The following RMST variants were observed in gnomAD, a reference collection of about 807,000 sequenced individuals.
RMST encodes the protein long intergenic non-protein coding RNA 54.
At chr12:97,469,182 ATGTGTG>A (rs1178044914) in intron 5 of RMST, among the ~76,000 whole-genome samples, 2,117 of 112,714 alleles carry the variant, frequency 0.019, 49 homozygotes, top group African/African-American at 0.06. Context: ...GTGTGTGTGT[ATGTGTG>A]TATATATATA....
chr12:97,494,663 TCTTA>T (rs1340345987), intron 8 of RMST: 4 of 152,136 alleles, frequency 2.6e-5, no homozygotes, highest in Admixed American at 2.0e-4. Context: ...AGTCAAAAAT[TCTTA>T]CTTTTTTTTC....
intron 11 of RMST, among the ~76,000 whole-genome samples, chr12:97,534,836 C>CT (rs1371880524): frequency 6.6e-6 from 1 of 151,540 alleles, no homozygotes; most frequent in Non-Finnish European, 1.5e-5. Context: ...TTAGCTGGAG[C>CT]GTTTCTGTTT....
chr12:97,512,586 C>T (rs1159708942), intron 10 of RMST, among the ~76,000 whole-genome samples: 2 of 152,190 alleles, frequency 1.3e-5, no homozygotes, highest in East Asian at 1.9e-4. Context: ...AAACCCTGGG[C>T]TAGGCACAGG....
rs537646751 is a variant in RMST at position 97,504,015 on chromosome 12, T to G, written n.1340+7959T>G. ...ATCTCAACTCAGTGCAACCTCTGCC[T>G]CCTGGGTTCAAGCGATTCTCAGGCA... On this transcript the variant is annotated intron_variant and non_coding_transcript_variant, in intron 10 of 13. Coordinates refer to ENST00000640149, the Ensembl canonical transcript of RMST. 2.6e-5 allele frequency among the ~76,000 whole-genome samples: 4 copies of G among 152,282 alleles called. No homozygotes were observed. The South Asian group carries it at 8.3e-4, about 32-fold the overall frequency.
At chr12:97,464,576 C>A (rs1040922391) in intron 4 of RMST, among the ~76,000 whole-genome samples, 10 of 152,082 alleles carry the variant, frequency 6.6e-5, no homozygotes, top group Admixed American at 2.0e-4. Context: ...TTCATTGTGG[C>A]ACCTTTTGTA....
chr12:97,466,834 GTCT>G (rs1474102775), intron 5 of RMST, among the ~76,000 whole-genome samples: 1 of 152,028 alleles, frequency 6.6e-6, no homozygotes, highest in African/African-American at 2.4e-5. Flanking sequence ...TTTCAGAAAA[GTCT>G]TCATGCATTT....
chr12:97,489,119 T>C (rs1385009967), intron 5 of RMST, among the ~76,000 whole-genome samples: 5 of 152,204 alleles, frequency 3.3e-5, no homozygotes, highest in Admixed American at 1.3e-4. Context: ...CAAGCAATAC[T>C]TTTATGTTAT....
chr12:97,512,213 TTCC>T (rs1239706004), intron 10 of RMST, among the ~76,000 whole-genome samples: 2 of 151,940 alleles, frequency 1.3e-5, no homozygotes, highest in African/African-American at 4.8e-5. Flanking sequence ...GCGTCTGGCG[TTCC>T]TCCCGGTGGG....
chr12:97,487,245 G>A (rs1214849330), intron 5 of RMST, among the ~76,000 whole-genome samples: 2 of 152,124 alleles, frequency 1.3e-5, no homozygotes, highest in Non-Finnish European at 2.9e-5. Flanking sequence ...GGATTTGTGT[G>A]TGGAATCATA....
intron 11 of RMST, among the ~76,000 whole-genome samples, chr12:97,550,485 A>G (rs1883234949): frequency 2.0e-5 from 3 of 152,196 alleles, no homozygotes; most frequent in African/African-American, 7.2e-5. Flanking sequence ...TATTTCAACA[A>G]TCCAACATGA....
rs141185500 is a variant in RMST, at chr12:97,556,387, G to A, written n.1546-4150G>A. On this transcript the variant is annotated intron_variant and non_coding_transcript_variant, in intron 11 of 13. Transcript: ENST00000640149. ...AAGTGTGACGTGTTAAAAGGCAGCTGGGCGGCCTCTTCACCGTGTTCCCTG... is the reference window on the plus strand; with the variant it reads ...AAGTGTGACGTGTTAAAAGGCAGCTAGGCGGCCTCTTCACCGTGTTCCCTG... Among the ~76,000 whole-genome samples the A allele has an allele frequency of 8.5e-3, 1,298 of 152,302 alleles. 21 individuals carry two copies. The highest frequency in any genetic ancestry group is 0.029 in the African/African-American group (1,209 of 41,560).
chr12:97,480,355 G>T (rs1169791705), intron 5 of RMST, among the ~76,000 whole-genome samples: 1 of 152,144 alleles, frequency 6.6e-6, no homozygotes, highest in Non-Finnish European at 1.5e-5. Context: ...CTTCCAAAGT[G>T]CTGGGATTAG....
At chr12:97,558,852 G>A (rs1229347570) in intron 11 of RMST, among the ~76,000 whole-genome samples, 2 of 152,128 alleles carry the variant, frequency 1.3e-5, no homozygotes, top group African/African-American at 4.8e-5. Context: ...ACCTGATGGG[G>A]CCTCATTTGT....
intron 5 of RMST, among the ~76,000 whole-genome samples, chr12:97,469,013 G>A (rs903184051): frequency 1.7e-4 from 26 of 151,506 alleles, no homozygotes; most frequent in Admixed American, 4.0e-4. Context: ...ATCACACATC[G>A]CAATCCAAAT....
At position 97,524,075 on chromosome 12, in the gene RMST, C is replaced by CAGAGAAAAAAAAAAAAAAAAAAAAAAAAA. The variant is rs57255256; in HGVS notation, n.1341-6579_1341-6578insGAGAAAAAAAAAAAAAAAAAAAAAAAAAA. ...TGGGCAACAGAGTGAGACTCTGTCT[C>CAGAGAAAAAAAAAAAAAAAAAAAAAAAAA]AAAAAAAAAAAAAAAAAAAAAAAAA... On this transcript the variant is annotated intron_variant and non_coding_transcript_variant, in intron 10 of 13. Coordinates refer to ENST00000640149, the Ensembl canonical transcript of RMST. Among the ~76,000 whole-genome samples, 234 of 56,128 alleles carry CAGAGAAAAAAAAAAAAAAAAAAAAAAAAA rather than the reference C, an allele frequency of 4.2e-3. 87 individuals carry two copies. The highest frequency in any genetic ancestry group is 0.02 in the Middle Eastern group (2 of 100). The allele number at this position is 56,128 out of a possible 152,430, so 36.8% of individuals were successfully genotyped here.
intron 10 of RMST, among the ~76,000 whole-genome samples, chr12:97,526,897 T>C (rs961579232): frequency 6.6e-6 from 1 of 152,152 alleles, no homozygotes; most frequent in African/African-American, 2.4e-5. Context: ...AGATGACATG[T>C]GTTAGTCACA....
exon 14 of RMST, chr12:97,564,492 T>A (rs184078896): frequency 1.3e-5 from 2 of 152,964 alleles, no homozygotes; most frequent in African/African-American, 4.8e-5. Flanking sequence ...GCTTCAACTA[T>A]GTGACCTGGG....
At chr12:97,513,903 T>C (rs1879673663) in intron 10 of RMST, among the ~76,000 whole-genome samples, 1 of 152,088 alleles carries the variant, frequency 6.6e-6, no homozygotes, top group African/African-American at 2.4e-5. Context: ...CCTCAAGCAG[T>C]GAAGAGCTGC....
chr12:97,467,385 A>G (rs554828529), intron 5 of RMST, among the ~76,000 whole-genome samples: 6 of 152,032 alleles, frequency 3.9e-5, no homozygotes, highest in Non-Finnish European at 7.4e-5. Context: ...AAATCCTGAC[A>G]TCAATTTTTC....
Sources: allele counts gnomAD v4.1 joint callset (sites outside exome capture counted in the v4.1 genomes callset), GRCh38; gene constraint gnomAD v4.1.1; transcripts MANE v1.5; gene names NCBI Gene and HGNC (gene_info 2026-07-23, HGNC 2026-07-21).